DMD: variants seen among roughly 807,000 people sequenced by gnomAD.
DMD encodes dystrophin, also known as mutant dystrophin.
DMD carries 63 observed loss-of-function variants against 330.1 expected under a neutral mutation model. The observed-to-expected ratio is 0.19, with a 90% CI of 0.16 to 0.24. The LOEUF is 0.24. Among genes scored for constraint, DMD ranks in the 10% least tolerant of loss-of-function variants. DMD has a pLI of 1.00. For missense variants in DMD, 3,344 were observed against 2,684.1 expected, an observed-to-expected ratio of 1.25 and a Z score of -5.43; for synonymous variants, 1,223 against 959.8, an observed-to-expected ratio of 1.27 and a Z score of -5.07.
rs185579840 is a variant in DMD at position 31,348,124 on chromosome X, T to C, written c.9163+432A>G. On this transcript the variant is annotated intron_variant, in intron 61 of 78. Transcript: ENST00000357033. ...ATTGGATGATCATATTATAATTACA[T>C]GATATCATAATTATTAGCTTTATGA... 41 of 157,313 alleles carry C rather than the reference T, an allele frequency of 2.6e-4. No individual in the cohort carries two copies. In the East Asian group the frequency reaches 3.0e-3, roughly 12 times the overall value. 13.0% of individuals were successfully genotyped at this position (157,313 alleles called of 1,213,427 possible). A position where few individuals can be genotyped will look rare whatever the true frequency, so the allele number is the denominator to read the frequency against.
At chrX:33,305,148 C>G (rs1215603285) in intron 1 of DMD, among the ~76,000 whole-genome samples, 2 of 105,762 alleles carry the variant, frequency 1.9e-5, no homozygotes, top group African/African-American at 3.4e-5. Flanking sequence ...TTCACAATAG[C>G]AAAGACTTGG....
chrX:32,743,882 C>T (rs2069633048), intron 7 of DMD, among the ~76,000 whole-genome samples: 1 of 111,105 alleles, frequency 9.0e-6, no homozygotes, highest in African/African-American at 3.3e-5. Flanking sequence ...TGAAAATAGA[C>T]ATTGTGTTTC....
At chrX:32,542,108 C>G (rs752092240) in intron 17 of DMD, among the ~76,000 whole-genome samples, 3 of 110,481 alleles carry the variant, frequency 2.7e-5, no homozygotes, top group Non-Finnish European at 5.7e-5. Flanking sequence ...GAGCCAGGCT[C>G]GAATCAATGA....
chrX:32,146,296 C>T (rs772336904), intron 44 of DMD, among the ~76,000 whole-genome samples: 39 of 110,751 alleles, frequency 3.5e-4, no homozygotes, highest in African/African-American at 1.1e-3. Context: ...ATAGATAAAC[C>T]GATCCATCGA....
chrX:31,236,630 G>A (rs1312356742), intron 63 of DMD, among the ~76,000 whole-genome samples: 1 of 112,256 alleles, frequency 8.9e-6, no homozygotes, highest in African/African-American at 3.2e-5. Context: ...GGAATGGGAC[G>A]TTCACAAGTC....
intron 48 of DMD, among the ~76,000 whole-genome samples, chrX:31,849,255 A>G (rs1603498768): frequency 9.0e-6 from 1 of 110,971 alleles, no homozygotes; most frequent in South Asian, 3.8e-4. Flanking sequence ...CTCATTCGAC[A>G]AACATTTATT....
At position 33,177,670 on chromosome X, in the gene DMD, G is replaced by A. The variant is rs758889669; in HGVS notation, c.31+33612C>T. On this transcript the variant is annotated intron_variant, in intron 1 of 78. Transcript: ENST00000357033. Reference sequence around the variant, plus strand: ...CAAAGTCCTGGGATTACAGGCGTGAGCCACCGCGCCCGACCTTATTTTATT... The same window carrying A: ...CAAAGTCCTGGGATTACAGGCGTGAACCACCGCGCCCGACCTTATTTTATT... Among the ~76,000 whole-genome samples the A allele has an allele frequency of 2.1e-4, 24 of 112,120 alleles. No homozygotes were observed. The East Asian group carries it at 6.8e-3, about 32-fold the overall frequency.
At chrX:31,960,413 G>A (rs2095291941) in intron 45 of DMD, among the ~76,000 whole-genome samples, 1 of 111,524 alleles carries the variant, frequency 9.0e-6, no homozygotes, top group African/African-American at 3.3e-5. Flanking sequence ...AGTCAATGGT[G>A]CTTGCTTAAC....
chrX:33,037,365 GAA>G (rs201304078), intron 1 of DMD, among the ~76,000 whole-genome samples: 12 of 97,867 alleles, frequency 1.2e-4, no homozygotes, highest in Admixed American at 4.3e-4. Flanking sequence ...AACTATACAG[GAA>G]AAAAAAAAAA....
chrX:32,349,375 A>G (rs759423000), intron 37 of DMD, among the ~76,000 whole-genome samples: 1 of 111,697 alleles, frequency 9.0e-6, no homozygotes, highest in East Asian at 2.8e-4. Flanking sequence ...CTTTCCATTA[A>G]AACACTAGAA....
intron 55 of DMD, among the ~76,000 whole-genome samples, chrX:31,624,559 A>G (rs1423229756): frequency 2.7e-5 from 3 of 112,270 alleles, no homozygotes; most frequent in Non-Finnish European, 5.6e-5. Flanking sequence ...GTCTTAGAGA[A>G]AAACACATTT....
At chrX:32,854,730 G>A (rs940963215) in intron 2 of DMD, among the ~76,000 whole-genome samples, 7 of 111,235 alleles carry the variant, frequency 6.3e-5, no homozygotes, top group South Asian at 3.7e-4. Context: ...AGAAAAGCCC[G>A]AGACCTGATG....
chrX:31,940,940 A>C (rs1384236957), intron 45 of DMD, among the ~76,000 whole-genome samples: 1 of 111,763 alleles, frequency 8.9e-6, no homozygotes, highest in Non-Finnish European at 1.9e-5. Flanking sequence ...TGGAATCTGA[A>C]GGCTTTTATA....
At chrX:31,568,235 G>A (rs1406547222) in intron 55 of DMD, among the ~76,000 whole-genome samples, 1 of 111,342 alleles carries the variant, frequency 9.0e-6, no homozygotes, top group African/African-American at 3.3e-5. Flanking sequence ...AAAGTAATGT[G>A]TATTCTGCTA....
chrX:32,065,496 T>C (rs1432525464), intron 44 of DMD, among the ~76,000 whole-genome samples: 1 of 112,187 alleles, frequency 8.9e-6, no homozygotes, highest in Non-Finnish European at 1.9e-5. Flanking sequence ...CTTCACACTG[T>C]AATTTGCTTA....
intron 55 of DMD, among the ~76,000 whole-genome samples, chrX:31,588,561 G>A (rs1040641068): frequency 6.3e-4 from 70 of 111,396 alleles, no homozygotes; most frequent in Middle Eastern, 4.6e-3. Flanking sequence ...AAGGGTTTGG[G>A]CTGTGCTTTC....
At chrX:32,466,675 G>C (rs2040059734) in intron 23 of DMD, among the ~76,000 whole-genome samples, 1 of 111,392 alleles carries the variant, frequency 9.0e-6, no homozygotes, top group Non-Finnish European at 1.9e-5. Context: ...GGTAGAAAGA[G>C]AGGGAGAGGG....
At chrX:31,649,160 ACAGTCTGTTGGTATC>A (rs2080289102) in intron 54 of DMD, among the ~76,000 whole-genome samples, 1 of 111,841 alleles carries the variant, frequency 8.9e-6, no homozygotes, top group South Asian at 3.7e-4. Flanking sequence ...TGAACAAAAA[ACAGTCTGTTGGTATC>A]CTATAATTTT....
intron 2 of DMD, among the ~76,000 whole-genome samples, chrX:33,009,858 G>T (rs773847169): frequency 5.6e-5 from 2 of 35,525 alleles, no homozygotes; most frequent in East Asian, 1.2e-3. Flanking sequence ...ACACATATGT[G>T]TATATGTGTG....
Sources: gnomAD v4.1 joint callset for allele counts (sites outside exome capture counted in the v4.1 genomes callset) on GRCh38, gnomAD v4.1.1 for gene constraint, MANE v1.5 for transcripts, NCBI Gene and HGNC (gene_info 2026-07-23, HGNC 2026-07-21) for gene names.